Variants in NT5DC1 observed in about 807,000 individuals in gnomAD.
The protein encoded by NT5DC1 is 5'-nucleotidase domain containing 1, also known as 5'-nucleotidase domain-containing protein 1.
A neutral mutation model predicts 59.4 loss-of-function variants in NT5DC1; 42 were observed. The observed-to-expected ratio is 0.71, with a 90% CI of 0.55 to 0.92. NT5DC1 has a LOEUF of 0.92. NT5DC1 is among the 40% of genes least tolerant of loss of function. NT5DC1 has a pLI of 0.00. For synonymous variants in NT5DC1, 172 were observed against 188.1 expected, an observed-to-expected ratio of 0.91 and a Z score of 0.70; for missense variants, 501 against 537.1, an observed-to-expected ratio of 0.93 and a Z score of 0.66.
At chr6:116,155,679 C>G (rs1780171464) in intron 6 of NT5DC1, among the ~76,000 whole-genome samples, 1 of 149,536 alleles carries the variant, frequency 6.7e-6, no homozygotes. Flanking sequence ...AGAAGCAAGG[C>G]TGGTATCCAT....
chr6:116,158,079 A>G (rs1562143205), intron 6 of NT5DC1, among the ~76,000 whole-genome samples: 1 of 152,222 alleles, frequency 6.6e-6, no homozygotes, highest in African/African-American at 2.4e-5. Flanking sequence ...TCAAAAAGTC[A>G]ATTTCTCTGA....
chr6:116,196,445 T>G (rs114414810), intron 6 of NT5DC1, among the ~76,000 whole-genome samples: 6,197 of 152,054 alleles, frequency 0.041, 420 homozygotes, highest in African/African-American at 0.14. Flanking sequence ...TTCCCCAAAC[T>G]ATAAATCAAC....
intron 6 of NT5DC1, among the ~76,000 whole-genome samples, chr6:116,219,528 C>T (rs1419683297): frequency 1.3e-5 from 2 of 152,086 alleles, no homozygotes; most frequent in African/African-American, 2.4e-5. Context: ...CATCACAGAC[C>T]CCCTCAGAGG....
At chr6:116,186,367 TG>T (rs1780998854) in intron 6 of NT5DC1, among the ~76,000 whole-genome samples, 1 of 151,824 alleles carries the variant, frequency 6.6e-6, no homozygotes, top group African/African-American at 2.4e-5. Context: ...GTGATCTTTT[TG>T]CGATGAATTT....
chr6:116,120,505 G>A lies in NT5DC1; in HGVS notation c.529+2560G>A, dbSNP rs199714647. ...CCCCCTGGTTGGCACTAACAAGAGGGGTCCCAGAAAGACTGGGCCTTTGGC... is the reference window on the plus strand; with the variant it reads ...CCCCCTGGTTGGCACTAACAAGAGGAGTCCCAGAAAGACTGGGCCTTTGGC... On this transcript the variant is annotated intron_variant, in intron 6 of 11. Transcript: ENST00000319550. 1.4e-5 allele frequency: 22 copies of A among 1,614,044 alleles called. No individual in the cohort carries two copies. The highest frequency in any genetic ancestry group is 4.5e-5 in the East Asian group (2 of 44,886).
At chr6:116,163,748 A>G (rs1780400468) in intron 6 of NT5DC1, among the ~76,000 whole-genome samples, 1 of 152,168 alleles carries the variant, frequency 6.6e-6, no homozygotes, top group African/African-American at 2.4e-5. Flanking sequence ...TTATGAATTT[A>G]GTACTATGAA....
chr6:116,159,590 A>G (rs894414655), intron 6 of NT5DC1, among the ~76,000 whole-genome samples: 1 of 152,144 alleles, frequency 6.6e-6, no homozygotes, highest in African/African-American at 2.4e-5. Context: ...AATTTTCTTT[A>G]TGCTCCCTGC....
In NT5DC1 at chr6:116,245,480, A is replaced by G. The variant is rs904108651; in HGVS notation, c.*1456A>G. ...AAGTAACAAAAAAACAAACAAAAAA[A>G]ATCACTGAAATTTTTCCCTCACAGT... On this transcript the variant is annotated 3_prime_UTR_variant, in exon 12 of 12. Transcript: ENST00000319550. 5 of 152,554 alleles carry G rather than the reference A, an allele frequency of 3.3e-5. No homozygotes were observed. The highest frequency in any genetic ancestry group is 3.3e-4 in the Admixed American group (5 of 15,272). 9.5% of individuals were successfully genotyped at this position (152,554 alleles called of 1,614,324 possible). A position where few individuals can be genotyped will look rare whatever the true frequency, so the allele number is the denominator to read the frequency against.
intron 6 of NT5DC1, among the ~76,000 whole-genome samples, chr6:116,160,596 T>A (rs1582843564): frequency 6.6e-6 from 1 of 152,198 alleles, no homozygotes; most frequent in Admixed American, 6.5e-5. Context: ...TTATTTCTTG[T>A]CCTGTGCAGA....
intron 8 of NT5DC1, among the ~76,000 whole-genome samples, chr6:116,230,483 C>T (rs995974003): frequency 2.0e-5 from 3 of 152,186 alleles, no homozygotes; most frequent in Admixed American, 1.3e-4. Context: ...TTCATGTACA[C>T]GTGAATCACC....
At chr6:116,137,877 C>T (rs936306783) in intron 6 of NT5DC1, among the ~76,000 whole-genome samples, 30 of 152,040 alleles carry the variant, frequency 2.0e-4, no homozygotes, top group African/African-American at 6.8e-4. Context: ...GTCAAGAGTT[C>T]GAGACCAGCC....
intron 6 of NT5DC1, among the ~76,000 whole-genome samples, chr6:116,212,903 C>T (rs1033102111): frequency 1.3e-5 from 2 of 152,076 alleles, no homozygotes; most frequent in African/African-American, 4.8e-5. Context: ...AAAAGCTTTT[C>T]ATGTATTTAC....
chr6:116,176,669 A>T (rs1395609766), intron 6 of NT5DC1, among the ~76,000 whole-genome samples: 1 of 152,058 alleles, frequency 6.6e-6, no homozygotes, highest in Non-Finnish European at 1.5e-5. Context: ...TTTCCCAACC[A>T]CATATTGTCC....
rs1562177582 is a variant in NT5DC1 at position 116,238,327 on chromosome 6, A to G, written c.1062A>G (p.Leu354=). 6.2e-7 allele frequency: 1 copy of G among 1,600,342 alleles called. No homozygotes were observed. The highest frequency in any genetic ancestry group is 8.5e-7 in the Non-Finnish European group (1 of 1,175,344). Residue 354 remains leucine (L), a synonymous_variant, in exon 10 of 12, where the codon CTA becomes CTG. Transcript: ENST00000319550. ...AGAGGCCTGAGGAGTCAGAGCCTCT[A>G]GAGAAGAAAGGAAAATATGAGGTAA... is the stretch of plus-strand genomic sequence containing the variant. ...RSQRPEESEP[L]EKKGKYEGPK...
At chr6:116,119,810 C>G in intron 6 of NT5DC1, 1 of 351,260 alleles carries the variant, frequency 2.8e-6, no homozygotes, top group Non-Finnish European at 5.1e-6. Context: ...AGCAGGACTT[C>G]TTTGGTGATA....
At chr6:116,155,752 TAAA>T (rs58270869) in intron 6 of NT5DC1, among the ~76,000 whole-genome samples, 29 of 114,584 alleles carry the variant, frequency 2.5e-4, no homozygotes, top group African/African-American at 6.7e-4. Context: ...TACTTCTCCT[TAAA>T]AAAAAAAAAA....
Position 116,221,047 on chromosome 6 carries a change from T to G in NT5DC1, c.530-7T>G. 2 of 1,342,886 alleles carry G rather than the reference T, an allele frequency of 1.5e-6. No homozygotes were observed. The highest frequency in any genetic ancestry group is 4.6e-5 in the East Asian group (2 of 43,366). 83.2% of individuals were successfully genotyped at this position (1,342,886 alleles called of 1,614,324 possible). On this transcript the variant is annotated splice_polypyrimidine_tract_variant and splice_region_variant and intron_variant, in intron 6 of 11. Transcript: ENST00000319550. ...AGAAAAACCTCATTGATATTTTTAT[T>G]TTTCAGAAAACTGTGGAATATATTT...
rs1308619504 is a variant in NT5DC1 at position 116,249,300 on chromosome 6, A to G, written c.*5276A>G. On this transcript the variant is annotated 3_prime_UTR_variant, in exon 12 of 12. Transcript: ENST00000319550. ...TTTAATTAAGTTTCTAACTCAAATG[A>G]GAAATTTTGGGCCATTTTTGTCAAA... 1 of 152,244 alleles carries G rather than the reference A, an allele frequency of 6.6e-6. No homozygotes were observed. The highest frequency in any genetic ancestry group is 6.5e-5 in the Admixed American group (1 of 15,288). The allele number at this position is 152,244 out of a possible 1,614,324, so 9.4% of individuals were successfully genotyped here. A position where few individuals can be genotyped will look rare whatever the true frequency, so the allele number is the denominator to read the frequency against.
Position 116,238,971 on chromosome 6 carries a change from C to G in NT5DC1, c.1100C>G (p.Pro367Arg), listed in dbSNP as rs536471818. The G allele has an allele frequency of 1.8e-5, 29 of 1,601,920 alleles. No homozygotes were observed. Among genetic ancestry groups the G allele is most frequent in the Non-Finnish European group, 2.5e-5 (29 of 1,169,766 alleles). ...KGKYEGPKAK[P>R]LNTSSKKWGS... Reference sequence around the variant, plus strand: ...TTGTTTCAGGGACCAAAAGCAAAACCTTTAAATACTTCATCTAAAAAATGG... The same window carrying G: ...TTGTTTCAGGGACCAAAAGCAAAACGTTTAAATACTTCATCTAAAAAATGG... Residue 367 changes from proline (P) to arginine (R), a missense_variant, in exon 11 of 12, where the codon CCT (proline) becomes CGT (arginine). By Grantham distance (103) the Pro-to-Arg change is moderately radical. Transcript: ENST00000319550.
Sources: gnomAD v4.1 joint callset for allele counts (sites outside exome capture counted in the v4.1 genomes callset) on GRCh38, gnomAD v4.1.1 for gene constraint, MANE v1.5 for transcripts, NCBI Gene and HGNC (gene_info 2026-07-23, HGNC 2026-07-21) for gene names.